Variants in RTKN observed in about 807,000 individuals in gnomAD.
RTKN encodes the protein rhotekin.
RTKN carries 49 observed loss-of-function variants against 63.5 expected under a neutral mutation model. That is an observed-to-expected ratio of 0.77 (90% CI 0.61 to 0.98). RTKN has a LOEUF of 0.98. Among genes scored for constraint, RTKN ranks in the 50% least tolerant of loss-of-function variants. RTKN has a pLI of 0.00. For synonymous variants in RTKN, 295 were observed against 290.4 expected (o/e 1.02, Z -0.16); for missense variants, 685 against 740.8 (o/e 0.92, Z 0.87).
chr2:74,437,752 G>T (rs367700387), intron 1 of RTKN, among the ~76,000 whole-genome samples: 24 of 152,226 alleles, frequency 1.6e-4, no homozygotes, highest in South Asian at 8.3e-4. Context: ...ATGGCAAATA[G>T]GTTTTATCTC....
In RTKN at chr2:74,430,449, G is replaced by C; in HGVS notation, c.427+16C>G. ...GGTCATTCCCCTGAATTTGTCCCAG[G>C]GTGTGTGGAACTCACCACCTTTGTT... On this transcript the variant is annotated intron_variant, in intron 4 of 11. Transcript: ENST00000272430. 1 of 1,613,996 alleles carries C rather than the reference G, an allele frequency of 6.2e-7. No homozygotes were observed. Among genetic ancestry groups the C allele is most frequent in the South Asian group, 1.1e-5 (1 of 91,078 alleles).
chr2:74,439,738 C>A, intron 1 of RTKN: 2 of 1,535,746 alleles, frequency 1.3e-6, no homozygotes, highest in Non-Finnish European at 1.8e-6. Context: ...AAAGAGGTGG[C>A]CAGCTCTTGG....
intron 9 of RTKN, 69 bp from the exon 10 acceptor site, chr2:74,427,661 C>G (rs76722294): frequency 5.3e-6 from 8 of 1,500,422 alleles, no homozygotes; most frequent in Non-Finnish European, 7.3e-6. Flanking sequence ...GCCTTGATCA[C>G]GCCTGCCTTA....
intron 1 of RTKN, among the ~76,000 whole-genome samples, chr2:74,434,163 C>T (rs1299764501): frequency 1.3e-5 from 2 of 151,608 alleles, no homozygotes; most frequent in African/African-American, 2.4e-5. Context: ...AGTACAGTGG[C>T]GCGATCTCAG....
At chr2:74,438,439 C>A (rs1335104022) in intron 1 of RTKN, among the ~76,000 whole-genome samples, 1 of 152,144 alleles carries the variant, frequency 6.6e-6, no homozygotes, top group Non-Finnish European at 1.5e-5. Flanking sequence ...TCTTGCCAAC[C>A]CTCCACCCCC....
At chr2:74,427,770 C>T (rs1670491516) in intron 9 of RTKN, 178 bp from the exon 10 acceptor site, 1 of 623,098 alleles carries the variant, frequency 1.6e-6, no homozygotes, top group Non-Finnish European at 2.8e-6. Context: ...ATGAGACAGC[C>T]AGTCCTGAGT....
Position 74,428,943 on chromosome 2 carries a change from C to T in RTKN, c.756-1G>A, listed in dbSNP as rs1670583341. ...AGCCAAGAGGTGGTAACGAGGACCACTGAGGGAGATAGGAGAGAGCATCAG... is the reference window on the plus strand; with the variant it reads ...AGCCAAGAGGTGGTAACGAGGACCATTGAGGGAGATAGGAGAGAGCATCAG... On this transcript the variant is annotated splice_acceptor_variant, in intron 6 of 11. Transcript: ENST00000272430. LOFTEE classifies it high-confidence loss of function. 1 of 1,613,396 alleles carries T rather than the reference C, an allele frequency of 6.2e-7. No individual in the cohort carries two copies. The highest frequency in any genetic ancestry group is 8.5e-7 in the Non-Finnish European group (1 of 1,179,460).
At position 74,436,328 on chromosome 2, in the gene RTKN, C is replaced by G. The variant is rs1671059962; in HGVS notation, c.112-3662G>C. On this transcript the variant is annotated intron_variant, in intron 1 of 11. Coordinates refer to ENST00000272430, the MANE Select transcript of RTKN (RefSeq NM_001015055.2). This position sits in a 1 kb window ranked among gnomAD's most constrained non-coding sequence, Gnocchi z 4.3. ...AGCCAGGGCGCCAGCATAGCTGCAC[C>G]GCCTCCAGCTGCAGCGCTCAGGACG... Among the ~76,000 whole-genome samples, 1 of 152,234 alleles carries G rather than the reference C, an allele frequency of 6.6e-6. No homozygotes were observed. Among genetic ancestry groups the G allele is most frequent in the South Asian group, 2.1e-4 (1 of 4,830 alleles).
chr2:74,430,690 C>G lies in RTKN; in HGVS notation c.312-13G>C. The G allele has an allele frequency of 1.9e-6, 3 of 1,610,122 alleles. No individual in the cohort carries two copies. The highest frequency in any genetic ancestry group is 2.5e-6 in the Non-Finnish European group (3 of 1,179,186). On this transcript the variant is annotated splice_polypyrimidine_tract_variant and intron_variant, in intron 2 of 11. Transcript: ENST00000272430. ...ACTGTCAGAAGGCCTGTGGATAAAT[C>G]ACAATGTCCTGGCCTGGCCTCTAGC...
Position 74,434,263 on chromosome 2 carries a change from C to T in RTKN, c.112-1597G>A, listed in dbSNP as rs940718488. Among the ~76,000 whole-genome samples, 7 of 150,182 alleles carry T rather than the reference C, an allele frequency of 4.7e-5. No homozygotes were observed. The South Asian group carries it at 8.5e-4, about 18-fold the overall frequency. ...GATTACAGGCATGTGCCACCACGCC[C>T]GAGTAAGTTTTGTATTCTTTTTTTT... On this transcript the variant is annotated intron_variant, in intron 1 of 11. Coordinates refer to ENST00000272430, the MANE Select transcript of RTKN (RefSeq NM_001015055.2).
rs149287379 is a variant in RTKN at position 74,441,791 on chromosome 2, C to T, written c.26G>A (p.Arg9Gln). The T allele has an allele frequency of 4.6e-5, 74 of 1,611,150 alleles. No homozygotes were observed. The East Asian group carries it at 1.6e-3, about 35-fold the overall frequency. ...GGCGGAGCCCCTGGCCACGGTGACC[C>T]GGCTCCGGTGGTTTCGGGAGAACAT... is the stretch of plus-strand genomic sequence containing the variant. MFSRNHRS[R>Q]VTVARGSALE... Residue 9 changes from arginine (R) to glutamine (Q), a missense_variant, in exon 1 of 12, where the codon CGG (arginine) becomes CAG (glutamine). Coordinates refer to ENST00000272430, the MANE Select transcript of RTKN (RefSeq NM_001015055.2).
chr2:74,439,593 G>T, intron 1 of RTKN: 2 of 1,614,116 alleles, frequency 1.2e-6, no homozygotes, highest in Non-Finnish European at 1.7e-6. Flanking sequence ...GCATATTCAG[G>T]TCCTCCAGGA....
At chr2:74,441,621 C>A in intron 1 of RTKN, 85 bp downstream of exon 1, 1 of 946,326 alleles carries the variant, frequency 1.1e-6, no homozygotes, top group Admixed American at 2.2e-5. Context: ...CCTCGGCGTG[C>A]ACGCGGGCGA....
rs941318559 is a variant in RTKN, at chr2:74,430,465, C to A, written c.427G>T (p.Asp143Tyr). The A allele has an allele frequency of 6.2e-7, 1 of 1,614,156 alleles. No individual in the cohort carries two copies. ...TTGTCCCAGGGTGTGTGGAACTCACCACCTTTGTTCTTGAAATATTCTGTG... is the reference window on the plus strand; with the variant it reads ...TTGTCCCAGGGTGTGTGGAACTCACAACCTTTGTTCTTGAAATATTCTGTG... ...KDTEYFKNKG[D>Y]LHRWAVFLLL... is the part of the protein sequence containing the mutation. Residue 143 changes from aspartate to tyrosine, a missense_variant and splice_region_variant, in exon 4 of 12, where the codon GAC becomes TAC. By Grantham distance (160) the Asp-to-Tyr change is radical. Transcript: ENST00000272430.
chr2:74,441,687 A>C lies in RTKN; in HGVS notation c.111+19T>G. On this transcript the variant is annotated intron_variant, in intron 1 of 11. Coordinates refer to ENST00000272430, the MANE Select transcript of RTKN (RefSeq NM_001015055.2). The stretch of plus-strand genomic sequence containing the variant: ...CCCGGGAGCCGCGGAAGGGGAAGGC[A>C]GGGACGCGAGTCTCTCACCTCGGGC... 6.3e-7 allele frequency: 1 copy of C among 1,584,092 alleles called. No individual in the cohort carries two copies. The highest frequency in any genetic ancestry group is 8.6e-7 in the Non-Finnish European group (1 of 1,160,018).
At position 74,432,640 on chromosome 2, in the gene RTKN, G is replaced by A. The variant is rs1670824220; in HGVS notation, c.138C>T (p.Asp46=). The part of the protein sequence containing the change: ...PEDTELQRKL[D]HEIRMREGAC... ...CCCCTTCCCTCATCCGGATCTCATG[G>A]TCTAGCTTCCTCTGCAACTCCGTGT... Residue 46 remains aspartate, a synonymous_variant, in exon 2 of 12, where the codon GAC becomes GAT. Transcript: ENST00000272430. The A allele has an allele frequency of 6.2e-7, 1 of 1,614,196 alleles. No homozygotes were observed. The highest frequency in any genetic ancestry group is 8.5e-7 in the Non-Finnish European group (1 of 1,180,014).
intron 2 of RTKN, chr2:74,432,118 T>G: frequency 2.5e-6 from 1 of 404,980 alleles, no homozygotes; most frequent in Non-Finnish European, 4.7e-6. Flanking sequence ...TTGGTGATTT[T>G]GTGAACCAGC....
At chr2:74,426,870 G>A in intron 11 of RTKN, 1 of 1,341,852 alleles carries the variant, frequency 7.5e-7, no homozygotes, top group South Asian at 2.2e-5. Flanking sequence ...GGCAAGTGAG[G>A]GGTCAGAAGA....
chr2:74,426,621 T>G (rs1670412596), intron 11 of RTKN, 47 bp from the exon 12 acceptor site: 1 of 1,505,864 alleles, frequency 6.6e-7, no homozygotes, highest in African/African-American at 1.4e-5. Context: ...TAGTCAGAGC[T>G]CAGGCCCCAA....
Sources: allele counts gnomAD v4.1 joint callset (sites outside exome capture counted in the v4.1 genomes callset), GRCh38; gene constraint gnomAD v4.1.1; non-coding constraint Gnocchi (gnomAD v3.1); transcripts MANE v1.5; gene names NCBI Gene and HGNC (gene_info 2026-07-23, HGNC 2026-07-21).